CSMD3: variants seen among roughly 807,000 people sequenced by gnomAD.
CSMD3 encodes the protein CUB and Sushi multiple domains 3.
CSMD3 carries 177 observed loss-of-function variants against 435.2 expected under a neutral mutation model. That is an observed-to-expected ratio of 0.41 (90% CI 0.36 to 0.46). The LOEUF is 0.46. Ranked by LOEUF, CSMD3 falls within the 20% of genes least tolerant of loss-of-function variation. CSMD3 has a pLI of 0.34. For synonymous variants in CSMD3, 1,656 were observed against 1,520.5 expected (o/e 1.09, Z -2.07); for missense variants, 4,265 against 4,504.6 (o/e 0.95, Z 1.52).
rs111695142 is a variant in CSMD3, at chr8:112,814,323, G to A, written c.1860-14049C>T. Among the ~76,000 whole-genome samples the A allele has an allele frequency of 1.0e-3, 153 of 152,278 alleles. 2 individuals carry two copies. Among genetic ancestry groups the A allele is most frequent in the African/African-American group, 3.5e-3 (147 of 41,560 alleles). On this transcript the variant is annotated intron_variant, in intron 12 of 70. Coordinates refer to ENST00000297405, the MANE Select transcript of CSMD3 (RefSeq NM_198123.2). ...GACAGTCATTGTATTGAAAAAGGGT[G>A]TGTTCAGGTGTGCTTACATTCCTGG... is the stretch of plus-strand genomic sequence containing the variant.
At chr8:113,436,534 GGA>G in intron 1 of CSMD3, 141 bp downstream of exon 1, 1 of 832,276 alleles carries the variant, frequency 1.2e-6, no homozygotes, top group Non-Finnish European at 2.1e-6. Context: ...TCTGAGGGGG[GGA>G]GAACGAGCTG....
At position 112,323,375 on chromosome 8, in the gene CSMD3, C is replaced by T. The variant is rs1356359868; in HGVS notation, c.7166-3394G>A. ...GTCTAGATTCCTGCCATTTAATTCCCGCTGTACTGGGTTGAATAGTTTCAC... is the reference window on the plus strand; with the variant it reads ...GTCTAGATTCCTGCCATTTAATTCCTGCTGTACTGGGTTGAATAGTTTCAC... On this transcript the variant is annotated intron_variant, in intron 45 of 70. Transcript: ENST00000297405. Among the ~76,000 whole-genome samples the T allele has an allele frequency of 2.6e-5, 4 of 151,938 alleles. No individual in the cohort carries two copies. In the South Asian group the frequency reaches 6.2e-4, roughly 24 times the overall value.
At chr8:112,544,665 A>G (rs1247206541) in intron 27 of CSMD3, among the ~76,000 whole-genome samples, 1 of 152,178 alleles carries the variant, frequency 6.6e-6, no homozygotes, top group Non-Finnish European at 1.5e-5. Context: ...TTAAAAAACT[A>G]TTCTGGATCA....
In CSMD3 at chr8:113,279,732, G is replaced by C. The variant is rs545610420; in HGVS notation, c.402-1028C>G. ...TCATTATGAGGATTTGAGGTAACTT[G>C]TTTTACTCCTTCTTGTAATACGTTG... On this transcript the variant is annotated intron_variant, in intron 2 of 70. Coordinates refer to ENST00000297405, the MANE Select transcript of CSMD3 (RefSeq NM_198123.2). Among the ~76,000 whole-genome samples, 1,002 of 151,708 alleles carry C rather than the reference G, an allele frequency of 6.6e-3. 11 individuals are homozygous for C. The highest frequency in any genetic ancestry group is 0.022 in the African/African-American group (901 of 41,450).
chr8:113,171,860 T>C (rs1346086759), intron 4 of CSMD3, among the ~76,000 whole-genome samples: 2 of 152,176 alleles, frequency 1.3e-5, no homozygotes, highest in South Asian at 2.1e-4. Flanking sequence ...AAGGAGAATA[T>C]AGTGTTTTCC....
At chr8:113,145,667 TA>T (rs1232820360) in intron 4 of CSMD3, among the ~76,000 whole-genome samples, 1 of 151,618 alleles carries the variant, frequency 6.6e-6, no homozygotes, top group Non-Finnish European at 1.5e-5. Context: ...AATGAATGAA[TA>T]AAGTCCAAAA....
At chr8:113,242,440 A>G (rs2093229293) in intron 3 of CSMD3, among the ~76,000 whole-genome samples, 1 of 152,004 alleles carries the variant, frequency 6.6e-6, no homozygotes, top group African/African-American at 2.4e-5. Flanking sequence ...TACTCACAAT[A>G]ATAGACTAAA....
At chr8:113,168,800 T>A (rs191200319) in intron 4 of CSMD3, among the ~76,000 whole-genome samples, 2 of 152,044 alleles carry the variant, frequency 1.3e-5, no homozygotes, top group East Asian at 1.9e-4. Context: ...TATCTATTAT[T>A]TATTTAGTAT....
intron 4 of CSMD3, among the ~76,000 whole-genome samples, chr8:113,172,924 C>T (rs557723572): frequency 1.4e-4 from 21 of 152,214 alleles, no homozygotes; most frequent in African/African-American, 5.1e-4. Context: ...TTCTGTTTCC[C>T]AAGCTCTGTA....
intron 17 of CSMD3, among the ~76,000 whole-genome samples, chr8:112,665,235 A>G (rs1361829927): frequency 6.6e-6 from 1 of 152,094 alleles, no homozygotes; most frequent in Non-Finnish European, 1.5e-5. Context: ...CTTTCTGCCC[A>G]TTTGCCATAC....
intron 3 of CSMD3, among the ~76,000 whole-genome samples, chr8:113,269,457 G>A (rs927476959): frequency 6.6e-6 from 1 of 151,840 alleles, no homozygotes; most frequent in Non-Finnish European, 1.5e-5. Flanking sequence ...TGGAAAAAAC[G>A]ACATTACAGT....
intron 1 of CSMD3, among the ~76,000 whole-genome samples, chr8:113,431,746 CATT>C (rs1219496519): frequency 2.0e-5 from 3 of 151,792 alleles, no homozygotes; most frequent in Non-Finnish European, 4.4e-5. Flanking sequence ...AGTACAAAGG[CATT>C]ATTAACTGCA....
intron 1 of CSMD3, among the ~76,000 whole-genome samples, chr8:113,408,837 G>T (rs1479791237): frequency 6.6e-6 from 1 of 151,856 alleles, no homozygotes; most frequent in African/African-American, 2.4e-5. Flanking sequence ...ACTAATTTTT[G>T]TATTTTTAGT....
chr8:113,280,798 T>G (rs1312179134), intron 2 of CSMD3, among the ~76,000 whole-genome samples: 1 of 151,938 alleles, frequency 6.6e-6, no homozygotes, highest in Non-Finnish European at 1.5e-5. Context: ...CTTATGGCTA[T>G]GAACTTTCCT....
chr8:112,405,318 T>C (rs1831750829), intron 35 of CSMD3, among the ~76,000 whole-genome samples: 1 of 141,084 alleles, frequency 7.1e-6, no homozygotes, highest in African/African-American at 2.7e-5. Flanking sequence ...ACAACTCAAG[T>C]CATTAGAATT....
At chr8:112,608,231 A>C (rs889953461) in intron 22 of CSMD3, among the ~76,000 whole-genome samples, 3 of 152,280 alleles carry the variant, frequency 2.0e-5, no homozygotes, top group Non-Finnish European at 4.4e-5. Context: ...TAAAATACTT[A>C]GGTAGAAATT....
At chr8:112,720,796 G>A (rs893068962) in intron 13 of CSMD3, among the ~76,000 whole-genome samples, 1 of 152,170 alleles carries the variant, frequency 6.6e-6, no homozygotes, top group Non-Finnish European at 1.5e-5. Context: ...TTGGAATACA[G>A]ATAATATTCT....
At chr8:112,507,108 T>C (rs926835138) in intron 28 of CSMD3, among the ~76,000 whole-genome samples, 1 of 152,166 alleles carries the variant, frequency 6.6e-6, no homozygotes, top group African/African-American at 2.4e-5. Context: ...TATTATTATT[T>C]TGTTTCATGT....
intron 1 of CSMD3, among the ~76,000 whole-genome samples, chr8:113,341,996 A>G (rs1412909280): frequency 6.6e-6 from 1 of 152,078 alleles, no homozygotes; most frequent in Non-Finnish European, 1.5e-5. Flanking sequence ...AGAATTACCT[A>G]TGATGTTCAC....
Sources: gnomAD v4.1 joint callset for allele counts (sites outside exome capture counted in the v4.1 genomes callset) on GRCh38, gnomAD v4.1.1 for gene constraint, MANE v1.5 for transcripts, NCBI Gene and HGNC (gene_info 2026-07-23, HGNC 2026-07-21) for gene names.